The following PLCE1 variants were observed in gnomAD, a reference collection of about 807,000 sequenced individuals.
PLCE1 encodes the protein 1-phosphatidylinositol 4,5-bisphosphate phosphodiesterase epsilon-1.
Under a neutral mutation model 242.8 loss-of-function variants are expected in PLCE1, and 119 were observed. The ratio of observed to expected loss-of-function variants is 0.49; its 90% CI spans 0.42 to 0.57. PLCE1 has a LOEUF of 0.57. PLCE1 is among the 20% of genes least tolerant of loss of function. The pLI is 0.00. For missense variants in PLCE1, 2,441 were observed against 2,788.8 expected (o/e 0.88, Z 2.81); for synonymous variants, 945 against 1,017.4 (o/e 0.93, Z 1.35).
At chr10:94,018,347 T>G (rs1413588090) in intron 1 of PLCE1, among the ~76,000 whole-genome samples, 1 of 152,206 alleles carries the variant, frequency 6.6e-6, no homozygotes, top group Admixed American at 6.5e-5. Flanking sequence ...ATGAGAACTT[T>G]CCTGGGCTTG....
intron 8 of PLCE1, among the ~76,000 whole-genome samples, chr10:94,248,165 C>A (rs1001937107): frequency 6.6e-6 from 1 of 152,234 alleles, no homozygotes; most frequent in East Asian, 1.9e-4. Context: ...TCTTTCCCTA[C>A]ACCCATGTCA....
At chr10:94,029,218 A>T (rs1365522274) in intron 1 of PLCE1, among the ~76,000 whole-genome samples, 3 of 152,160 alleles carry the variant, frequency 2.0e-5, no homozygotes, top group African/African-American at 2.4e-5. Flanking sequence ...TGCTTACCTC[A>T]TGGGTAAGAA....
chr10:94,183,080 T>C (rs974652711), intron 4 of PLCE1, among the ~76,000 whole-genome samples: 8 of 152,206 alleles, frequency 5.3e-5, no homozygotes, highest in Non-Finnish European at 1.2e-4. Context: ...TGGTCAGAGA[T>C]TAGGATTTTG....
intron 5 of PLCE1, among the ~76,000 whole-genome samples, chr10:94,229,138 G>T (rs1052722580): frequency 6.6e-6 from 1 of 151,314 alleles, no homozygotes; most frequent in African/African-American, 2.4e-5. Context: ...CCGAGATCAT[G>T]CCATTGCGCT....
chr10:94,235,324 G>C (rs1409672831), intron 6 of PLCE1, among the ~76,000 whole-genome samples: 1 of 151,976 alleles, frequency 6.6e-6, no homozygotes, highest in Non-Finnish European at 1.5e-5. Flanking sequence ...ACACCCCCTA[G>C]CTTCCTCATG....
chr10:94,166,105 C>T (rs991708525), intron 3 of PLCE1, among the ~76,000 whole-genome samples: 6 of 152,166 alleles, frequency 3.9e-5, no homozygotes, highest in Admixed American at 3.3e-4. Context: ...GTTTGGTGTT[C>T]ACTGGACAGA....
intron 2 of PLCE1, among the ~76,000 whole-genome samples, chr10:94,063,192 T>A (rs1292284923): frequency 1.3e-5 from 2 of 152,226 alleles, no homozygotes; most frequent in East Asian, 3.9e-4. Flanking sequence ...CTCCTACTCT[T>A]TTCCTTTATG....
intron 4 of PLCE1, among the ~76,000 whole-genome samples, chr10:94,212,462 T>C (rs2136956289): frequency 6.6e-6 from 1 of 152,326 alleles, no homozygotes; most frequent in East Asian, 1.9e-4. Flanking sequence ...TTCACCGTGT[T>C]AGCCAGGATG....
intron 4 of PLCE1, among the ~76,000 whole-genome samples, chr10:94,202,065 T>C (rs935950078): frequency 2.0e-5 from 3 of 152,230 alleles, no homozygotes; most frequent in Non-Finnish European, 4.4e-5. Flanking sequence ...TGTGTGTGTA[T>C]GGTTGTTATT....
chr10:94,310,793 G>A (rs1057454239), intron 27 of PLCE1, among the ~76,000 whole-genome samples: 1 of 152,142 alleles, frequency 6.6e-6, no homozygotes, highest in African/African-American at 2.4e-5. Flanking sequence ...ACAGCTGGGT[G>A]TCCTACATTT....
At chr10:94,055,126 G>C (rs1460646643) in intron 2 of PLCE1, among the ~76,000 whole-genome samples, 1 of 151,590 alleles carries the variant, frequency 6.6e-6, no homozygotes, top group Non-Finnish European at 1.5e-5. Flanking sequence ...ATCTGAAAGA[G>C]GAAAATGAAT....
intron 2 of PLCE1, among the ~76,000 whole-genome samples, chr10:94,123,790 C>T (rs925703221): frequency 8.5e-5 from 13 of 152,134 alleles, no homozygotes; most frequent in Admixed American, 5.2e-4. Context: ...CAAACCATAG[C>T]GCAGAGCTCT....
At chr10:94,047,411 G>A (rs2043627913) in intron 2 of PLCE1, among the ~76,000 whole-genome samples, 1 of 152,058 alleles carries the variant, frequency 6.6e-6, no homozygotes, top group African/African-American at 2.4e-5. Flanking sequence ...GGAGTCCATG[G>A]GATTTATTCC....
intron 1 of PLCE1, among the ~76,000 whole-genome samples, chr10:94,000,810 C>T (rs2060917164): frequency 6.6e-6 from 1 of 152,188 alleles, no homozygotes; most frequent in Non-Finnish European, 1.5e-5. Flanking sequence ...AGCCGCAGCG[C>T]CCTGAAGTCT....
chr10:93,997,737 G>A (rs1478596259), intron 1 of PLCE1, among the ~76,000 whole-genome samples: 1 of 145,394 alleles, frequency 6.9e-6, no homozygotes, highest in African/African-American at 2.5e-5. Flanking sequence ...TTTAGCAGTT[G>A]AGGTTTTGAA....
chr10:94,192,400 G>A (rs1257025640), intron 4 of PLCE1, among the ~76,000 whole-genome samples: 1 of 152,116 alleles, frequency 6.6e-6, no homozygotes, highest in Non-Finnish European at 1.5e-5. Context: ...ATGTCCATGT[G>A]TACCCAGTGT....
intron 9 of PLCE1, among the ~76,000 whole-genome samples, chr10:94,253,479 A>G (rs2050953454): frequency 6.6e-6 from 1 of 152,026 alleles, no homozygotes; most frequent in African/African-American, 2.4e-5. Flanking sequence ...TCAGCCTGCC[A>G]AGTATCTGGG....
At chr10:94,319,406 T>G (rs554831200) in intron 29 of PLCE1, among the ~76,000 whole-genome samples, 1 of 152,304 alleles carries the variant, frequency 6.6e-6, no homozygotes, top group Non-Finnish European at 1.5e-5. Flanking sequence ...TTCCATTTAT[T>G]TTATCCCATG....
In PLCE1 at chr10:94,313,334, C is replaced by T. The variant is rs757749212; in HGVS notation, c.6084C>T (p.Thr2028=). Residue 2028 remains threonine, a synonymous_variant, in exon 28 of 33, where the codon ACC becomes ACT. Coordinates refer to ENST00000371380, the MANE Select transcript of PLCE1 (RefSeq NM_016341.4). ...GGGTCCCAGGGCCAGAGCCCTTTAC[C>T]GTTTTCACTATTAATGGAGGCACCA... ...VHGVPGPEPF[T]VFTINGGTKA... 6 of 1,614,092 alleles carry T rather than the reference C, an allele frequency of 3.7e-6. No individual in the cohort carries two copies. Among genetic ancestry groups the T allele is most frequent in the African/African-American group, 2.7e-5 (2 of 75,014 alleles).
Sources: allele counts gnomAD v4.1 joint callset (sites outside exome capture counted in the v4.1 genomes callset), GRCh38; gene constraint gnomAD v4.1.1; transcripts MANE v1.5; gene names NCBI Gene and HGNC (gene_info 2026-07-23, HGNC 2026-07-21).